SDC4: variants seen among roughly 807,000 people sequenced by gnomAD.
SDC4 encodes syndecan 4, also known as syndecan-4.
A neutral mutation model predicts 20.5 loss-of-function variants in SDC4; 17 were observed. The ratio of observed to expected loss-of-function variants is 0.83; its 90% CI spans 0.57 to 1.25. The LOEUF (loss-of-function observed/expected upper bound fraction) is 1.25. Among genes scored for constraint, SDC4 ranks in the 50% most tolerant of loss-of-function variants. SDC4 has a pLI of 0.00. For synonymous variants in SDC4, 107 were observed against 105.3 expected (o/e 1.02, Z -0.10); for missense variants, 241 against 252.3 (o/e 0.96, Z 0.30).
rs35186241 is a variant in SDC4, at chr20:45,326,383, T to TAAAAAAAAAAAAAA, written c.*867_*880dup. On this transcript the variant is annotated 3_prime_UTR_variant, in exon 5 of 5. Coordinates refer to ENST00000372733, the MANE Select transcript of SDC4 (RefSeq NM_002999.4). ...AGGCCCTATCTAAAGCTATAAATAG[T>TAAAAAAAAAAAAAA]AAAAAAAAAAAAAAAAAAAAAAAAT... is the stretch of plus-strand genomic sequence containing the variant. The TAAAAAAAAAAAAAA allele has an allele frequency of 1.3e-4, 13 of 97,706 alleles. No homozygotes were observed. Among genetic ancestry groups the TAAAAAAAAAAAAAA allele is most frequent in the Non-Finnish European group, 1.8e-4 (9 of 49,040 alleles). The allele number at this position is 97,706 out of a possible 1,614,324, so 6.1% of individuals were successfully genotyped here. A position where few individuals can be genotyped will look rare whatever the true frequency, so the allele number is the denominator to read the frequency against.
chr20:45,336,166 A>G (rs556383992), intron 1 of SDC4, among the ~76,000 whole-genome samples: 98 of 152,280 alleles, frequency 6.4e-4, no homozygotes, highest in African/African-American at 2.3e-3. Flanking sequence ...TAATCCCAAC[A>G]CTTTGGGAGG....
chr20:45,341,799 T>C (rs1987956490), intron 1 of SDC4, among the ~76,000 whole-genome samples: 1 of 152,204 alleles, frequency 6.6e-6, no homozygotes, highest in East Asian at 1.9e-4. Context: ...TCCAGGATCC[T>C]AGGGTGCCAG....
At position 45,335,871 on chromosome 20, in the gene SDC4, T is replaced by C. The variant is rs772767243; in HGVS notation, c.110A>G (p.Tyr37Cys). ...ATCGTCTGGTAGGGCTCCGGAGAAG[T>C]ATCGGCCTTCTAGGAGGTCCTGGGG... is the stretch of plus-strand genomic sequence containing the variant. The part of the protein sequence containing the change: ...IDPQDLLEGR[Y>C]FSGALPDDED... Residue 37 changes from tyrosine to cysteine, a missense_variant, in exon 2 of 5, where the codon TAC becomes TGC. By Grantham distance (194) the Tyr-to-Cys change is radical (BLOSUM62 -2). Transcript: ENST00000372733. 1.2e-6 allele frequency: 2 copies of C among 1,613,752 alleles called. No homozygotes were observed. The highest frequency in any genetic ancestry group is 1.7e-6 in the Non-Finnish European group (2 of 1,179,936).
rs1197540884 is a variant in SDC4 at position 45,333,943 on chromosome 20, G to A, written c.200-874C>T. Among the ~76,000 whole-genome samples, 3 of 112,472 alleles carry A rather than the reference G, an allele frequency of 2.7e-5. No individual in the cohort carries two copies. In the East Asian group the frequency reaches 8.0e-4, roughly 30 times the overall value. The allele number at this position is 112,472 out of a possible 152,430, so 73.8% of individuals were successfully genotyped here. ...TAAAAAGAGTAAAAATAATTCATTG[G>A]TTAAAAAAAAAAGAAGAAGAAATGT... On this transcript the variant is annotated intron_variant, in intron 2 of 4. Transcript: ENST00000372733.
chr20:45,335,510 G>C (rs1436484565), intron 2 of SDC4, among the ~76,000 whole-genome samples: 1 of 149,876 alleles, frequency 6.7e-6, no homozygotes, highest in Non-Finnish European at 1.5e-5. Context: ...GCAGAAAAGA[G>C]AAGAGCTTAT....
In SDC4 at chr20:45,348,235, GCC is replaced by G. The variant is rs5841588; in HGVS notation, c.60+88_60+89del. 2.0e-4 allele frequency: 176 copies of G among 890,296 alleles called. 5 individuals carry two copies. Among genetic ancestry groups the G allele is most frequent in the East Asian group, 1.9e-3 (65 of 33,870 alleles). 55.1% of individuals were successfully genotyped at this position (890,296 alleles called of 1,614,324 possible). A position where few individuals can be genotyped will look rare whatever the true frequency, so the allele number is the denominator to read the frequency against. On this transcript the variant is annotated intron_variant, in intron 1 of 4. Coordinates refer to ENST00000372733, the MANE Select transcript of SDC4 (RefSeq NM_002999.4). ...GTTGGGGGTAGCGTACCCCCGATCT[GCC>G]CCCCCCCATCCCACGCTCCGACGAA...
At chr20:45,341,886 T>C (rs1409266205) in intron 1 of SDC4, among the ~76,000 whole-genome samples, 2 of 152,248 alleles carry the variant, frequency 1.3e-5, no homozygotes, top group Middle Eastern at 3.4e-3. Context: ...TGTTACTAAC[T>C]CCCTGGATGA....
At chr20:45,344,099 C>T (rs1987995995) in intron 1 of SDC4, among the ~76,000 whole-genome samples, 1 of 152,212 alleles carries the variant, frequency 6.6e-6, no homozygotes, top group African/African-American at 2.4e-5. Flanking sequence ...ACAGTACCAG[C>T]TTTTGCTCTC....
intron 1 of SDC4, among the ~76,000 whole-genome samples, chr20:45,336,306 G>A (rs140123465): frequency 0.013 from 1,990 of 152,164 alleles, 45 homozygotes; most frequent in African/African-American, 0.046. Context: ...CCAGCTACTC[G>A]GGAGGCTGAG....
chr20:45,346,353 G>A (rs1988032099), intron 1 of SDC4, among the ~76,000 whole-genome samples: 1 of 152,212 alleles, frequency 6.6e-6, no homozygotes, highest in Non-Finnish European at 1.5e-5. Context: ...AGGTCAGGAT[G>A]AGACTTGACA....
chr20:45,345,715 A>G (rs1442969388), intron 1 of SDC4: 1 of 152,236 alleles, frequency 6.6e-6, no homozygotes, highest in Non-Finnish European at 1.5e-5. Context: ...CTGGGTAGGA[A>G]CACCTTTGGG....
chr20:45,345,711 AG>A (rs948705814), intron 1 of SDC4: 3 of 152,280 alleles, frequency 2.0e-5, no homozygotes, highest in African/African-American at 7.2e-5. Flanking sequence ...GCCCCTGGGT[AG>A]GAACACCTTT....
chr20:45,348,405 G>T lies in SDC4; in HGVS notation c.-21C>A. 6.5e-7 allele frequency: 1 copy of T among 1,541,942 alleles called. No homozygotes were observed. Among genetic ancestry groups the T allele is most frequent in the South Asian group, 1.2e-5 (1 of 83,800 alleles). On this transcript the variant is annotated 5_prime_UTR_variant, in exon 1 of 5. Transcript: ENST00000372733. Reference sequence around the variant, plus strand: ...GCCATGGCACCGCGGACTGGAGAAGGCGCGCAGGCTGCGGCGAGTGGCCCC... The same window carrying T: ...GCCATGGCACCGCGGACTGGAGAAGTCGCGCAGGCTGCGGCGAGTGGCCCC...
At chr20:45,343,262 TA>T (rs1313448498) in intron 1 of SDC4, among the ~76,000 whole-genome samples, 1 of 152,212 alleles carries the variant, frequency 6.6e-6, no homozygotes, top group Non-Finnish European at 1.5e-5. Context: ...CCTCCCTCTC[TA>T]GGGCACCATG....
chr20:45,343,087 TC>T (rs1256547843), intron 1 of SDC4, among the ~76,000 whole-genome samples: 1 of 152,130 alleles, frequency 6.6e-6, no homozygotes, highest in African/African-American at 2.4e-5. Context: ...ACCCTCTTTT[TC>T]AGTCACCCAG....
In SDC4 at chr20:45,331,985, C is replaced by T. The variant is rs894280564; in HGVS notation, c.246+1038G>A. ...TTTGCAAAAATAAAAAAGATGTTTG[C>T]TGCAGTGTTATAATTTTAAAATGTT... is the stretch of plus-strand genomic sequence containing the variant. On this transcript the variant is annotated intron_variant, in intron 3 of 4. Coordinates refer to ENST00000372733, the MANE Select transcript of SDC4 (RefSeq NM_002999.4). Among the ~76,000 whole-genome samples, 13 of 152,174 alleles carry T rather than the reference C, an allele frequency of 8.5e-5. 1 individual carries two copies. Among genetic ancestry groups the T allele is most frequent in the African/African-American group, 3.1e-4 (13 of 41,498 alleles).
chr20:45,327,104 G>A lies in SDC4; in HGVS notation c.*160C>T. On this transcript the variant is annotated 3_prime_UTR_variant, in exon 5 of 5. Transcript: ENST00000372733. ...AGCTCAAGAAGAACCTGGCAGAACA[G>A]TAGAAGACAATGTCTCTTCTGAACA... The A allele has an allele frequency of 1.4e-6, 1 of 697,570 alleles. No individual in the cohort carries two copies. Among genetic ancestry groups the A allele is most frequent in the Non-Finnish European group, 2.3e-6 (1 of 440,328 alleles). 43.2% of individuals were successfully genotyped at this position (697,570 alleles called of 1,614,324 possible).
intron 3 of SDC4, among the ~76,000 whole-genome samples, chr20:45,330,804 C>T (rs1242528819): frequency 6.6e-6 from 1 of 152,196 alleles, no homozygotes; most frequent in Non-Finnish European, 1.5e-5. Flanking sequence ...AACAGGGAAG[C>T]AGGTGCTCTC....
intron 3 of SDC4, among the ~76,000 whole-genome samples, chr20:45,331,304 GC>G (rs1003136782): frequency 1.3e-5 from 2 of 152,096 alleles, no homozygotes; most frequent in Non-Finnish European, 2.9e-5. Flanking sequence ...GATACAAGAG[GC>G]CCTAATAGTT....
Sources: allele counts gnomAD v4.1 joint callset (sites outside exome capture counted in the v4.1 genomes callset), GRCh38; gene constraint gnomAD v4.1.1; transcripts MANE v1.5; gene names NCBI Gene and HGNC (gene_info 2026-07-23, HGNC 2026-07-21).